Variants in FAM135B observed in about 807,000 individuals in gnomAD.
FAM135B encodes the protein family with sequence similarity 135 member B, also known as protein FAM135B.
FAM135B carries 43 observed loss-of-function variants against 127.7 expected under a neutral mutation model. The ratio of observed to expected loss-of-function variants is 0.34; its 90% CI spans 0.26 to 0.43. FAM135B has a LOEUF of 0.43. Among genes scored for constraint, FAM135B ranks in the 20% least tolerant of loss-of-function variants. FAM135B has a pLI of 1.00. For missense variants in FAM135B, 1,558 were observed against 1,725.6 expected (o/e 0.90, Z 1.72); for synonymous variants, 670 against 665.1 (o/e 1.01, Z -0.11).
chr8:138,409,748 G>A (rs141708562), intron 1 of FAM135B, among the ~76,000 whole-genome samples: 5,449 of 151,914 alleles, frequency 0.036, 334 homozygotes, highest in African/African-American at 0.12. Flanking sequence ...GGTGGTGGGC[G>A]CTTGTAGTCC....
At chr8:138,266,344 G>T (rs1822921157) in intron 3 of FAM135B, among the ~76,000 whole-genome samples, 1 of 152,078 alleles carries the variant, frequency 6.6e-6, no homozygotes, top group African/African-American at 2.4e-5. Context: ...TTAGGAAAAT[G>T]TGCTAATCCT....
chr8:138,324,120 T>G (rs1222089987), intron 2 of FAM135B, among the ~76,000 whole-genome samples: 1 of 152,192 alleles, frequency 6.6e-6, no homozygotes, highest in Non-Finnish European at 1.5e-5. Flanking sequence ...AACTATAAAC[T>G]AGTTGCATTT....
At chr8:138,406,351 T>A (rs1387901664) in intron 1 of FAM135B, among the ~76,000 whole-genome samples, 1 of 152,132 alleles carries the variant, frequency 6.6e-6, no homozygotes, top group African/African-American at 2.4e-5. Context: ...CTGGTACCAT[T>A]CCTTCTGAAA....
In FAM135B at chr8:138,268,043, G is replaced by C. The variant is rs935013184; in HGVS notation, c.158-2201C>G. Among the ~76,000 whole-genome samples, 4 of 152,150 alleles carry C rather than the reference G, an allele frequency of 2.6e-5. No individual in the cohort carries two copies. In the South Asian group the frequency reaches 8.3e-4, roughly 32 times the overall value. ...CTGAAGGTCAGAGCAGCCCTGAGCC[G>C]TCTGCCACCAGGAGGGTCAGCCAGC... On this transcript the variant is annotated intron_variant, in intron 3 of 19. Transcript: ENST00000395297.
intron 7 of FAM135B, among the ~76,000 whole-genome samples, chr8:138,219,503 C>T (rs1193270436): frequency 1.3e-5 from 2 of 152,192 alleles, no homozygotes; most frequent in Admixed American, 6.5e-5. Flanking sequence ...GGCCACTCGG[C>T]AATCACCCAG....
At chr8:138,355,425 T>C (rs938122627) in intron 2 of FAM135B, among the ~76,000 whole-genome samples, 6 of 152,128 alleles carry the variant, frequency 3.9e-5, no homozygotes, top group African/African-American at 1.2e-4. Flanking sequence ...TGTAGGGACA[T>C]GGATGAAGCT....
intron 1 of FAM135B, among the ~76,000 whole-genome samples, chr8:138,374,966 GAACAACCTGGGAAAATTAAC>G (rs1167496207): frequency 2.2e-4 from 33 of 151,372 alleles, no homozygotes; most frequent in African/African-American, 6.6e-4. Context: ...TCCCACAAAA[GAACAACCTGGGAAAATTAAC>G]AACAACAACA....
intron 2 of FAM135B, among the ~76,000 whole-genome samples, chr8:138,332,377 T>C (rs1241185304): frequency 2.0e-5 from 3 of 152,168 alleles, no homozygotes; most frequent in African/African-American, 7.2e-5. Flanking sequence ...GCTACAATAC[T>C]GCAATTACTT....
chr8:138,301,690 T>A (rs1214646687), intron 3 of FAM135B, among the ~76,000 whole-genome samples: 1 of 152,212 alleles, frequency 6.6e-6, no homozygotes, highest in African/African-American at 2.4e-5. Flanking sequence ...AGTGTGCATC[T>A]TAGCATCACC....
chr8:138,138,071 T>C (rs540206979), intron 18 of FAM135B, among the ~76,000 whole-genome samples: 22 of 152,266 alleles, frequency 1.4e-4, no homozygotes, highest in Admixed American at 5.9e-4. Context: ...AAAGGTGTAA[T>C]GGTCAGCCCC....
rs2130492835 is a variant in FAM135B at position 138,132,864 on chromosome 8, A to T, written c.4016-66T>A. On this transcript the variant is annotated intron_variant, in intron 19 of 19. Transcript: ENST00000395297. This position sits in a 1 kb window ranked among gnomAD's most constrained non-coding sequence, Gnocchi z 4.5. ...TTAGCAGTGGAATCTAGAGAACATC[A>T]CTAGATGTGTGTCGAAATTCTGTTC... 6 of 1,402,492 alleles carry T rather than the reference A, an allele frequency of 4.3e-6. No individual in the cohort carries two copies. The highest frequency in any genetic ancestry group is 6.1e-6 in the Non-Finnish European group (6 of 989,948). The allele number at this position is 1,402,492 out of a possible 1,614,324, so 86.9% of individuals were successfully genotyped here. A position where few individuals can be genotyped will look rare whatever the true frequency, so the allele number is the denominator to read the frequency against.
intron 1 of FAM135B, among the ~76,000 whole-genome samples, chr8:138,479,237 G>C (rs35318089): frequency 0.043 from 6,500 of 152,180 alleles, 368 homozygotes; most frequent in East Asian, 0.13. Context: ...TGTCCATGTG[G>C]GTTTTTATGG....
chr8:138,299,776 G>A (rs984036822), intron 3 of FAM135B, among the ~76,000 whole-genome samples: 3 of 152,032 alleles, frequency 2.0e-5, no homozygotes, highest in Admixed American at 2.0e-4. Flanking sequence ...TCTTAAGTAT[G>A]CAGAAAAATC....
intron 2 of FAM135B, among the ~76,000 whole-genome samples, chr8:138,338,503 G>GA (rs1407530717): frequency 4.0e-5 from 6 of 151,834 alleles, no homozygotes; most frequent in Admixed American, 3.9e-4. Context: ...AAAGACACAT[G>GA]AAAAAATGCT....
chr8:138,140,174 C>T (rs1162251440), intron 17 of FAM135B, among the ~76,000 whole-genome samples: 1 of 152,172 alleles, frequency 6.6e-6, no homozygotes, highest in Non-Finnish European at 1.5e-5. Flanking sequence ...TTGTTATGTG[C>T]CATTGTGTCG....
At chr8:138,256,527 C>T (rs1054833990) in intron 5 of FAM135B, among the ~76,000 whole-genome samples, 162 bp downstream of exon 5, 1 of 152,202 alleles carries the variant, frequency 6.6e-6, no homozygotes, top group African/African-American at 2.4e-5. Flanking sequence ...ACCACACAAA[C>T]TTTCTTAGCC....
chr8:138,311,631 C>T (rs886896092), intron 2 of FAM135B, among the ~76,000 whole-genome samples: 2 of 152,066 alleles, frequency 1.3e-5, no homozygotes, highest in Non-Finnish European at 2.9e-5. Flanking sequence ...GATTTGAAAC[C>T]CATTGTGAAA....
chr8:138,258,106 G>C (rs571032099), intron 4 of FAM135B, among the ~76,000 whole-genome samples: 9 of 152,152 alleles, frequency 5.9e-5, no homozygotes, highest in Non-Finnish European at 1.3e-4. Flanking sequence ...TTAAGAGAGA[G>C]ACTAGTTTTA....
At chr8:138,292,176 CA>C (rs1351506771) in intron 3 of FAM135B, among the ~76,000 whole-genome samples, 2 of 151,806 alleles carry the variant, frequency 1.3e-5, no homozygotes, top group Admixed American at 6.6e-5. Context: ...ATAGTAGCTA[CA>C]AAAACAATAA....
Sources: allele counts gnomAD v4.1 joint callset (sites outside exome capture counted in the v4.1 genomes callset), GRCh38; gene constraint gnomAD v4.1.1; non-coding constraint Gnocchi (gnomAD v3.1); transcripts MANE v1.5; gene names NCBI Gene and HGNC (gene_info 2026-07-23, HGNC 2026-07-21).